Variants in NRXN3 observed in about 807,000 individuals in gnomAD.
The protein encoded by NRXN3 is neurexin III.
In NRXN3, 32 loss-of-function variants were observed where a neutral mutation model predicts 137.6. The observed-to-expected ratio is 0.23, with a 90% CI of 0.18 to 0.31. NRXN3 has a LOEUF of 0.31. Ranked by LOEUF, NRXN3 falls within the 10% of genes least tolerant of loss-of-function variation. The pLI is 1.00. For missense variants in NRXN3, 1,574 were observed against 2,062.5 expected (o/e 0.76, Z 4.59); for synonymous variants, 798 against 784.5 (o/e 1.02, Z -0.29).
intron 1 of NRXN3, among the ~76,000 whole-genome samples, chr14:78,177,128 T>A (rs2059346643): frequency 6.6e-6 from 1 of 152,140 alleles, no homozygotes; most frequent in Admixed American, 6.5e-5. Flanking sequence ...GCAGCTGGTA[T>A]CTGGATGCTG....
chr14:79,504,292 A>T (rs542394010), intron 16 of NRXN3, among the ~76,000 whole-genome samples: 40 of 152,130 alleles, frequency 2.6e-4, no homozygotes, highest in Non-Finnish European at 5.6e-4. Flanking sequence ...TCTCTGACAG[A>T]TTGTTATTCC....
intron 16 of NRXN3, among the ~76,000 whole-genome samples, chr14:79,544,054 A>G (rs536276768): frequency 2.6e-5 from 4 of 152,320 alleles, no homozygotes; most frequent in East Asian, 1.9e-4. Flanking sequence ...CTCATCCCCA[A>G]CAGTGAAAAT....
rs2096407437 is a variant in NRXN3 at position 79,465,358 on chromosome 14, T to C, written c.3263-1863T>C. On this transcript the variant is annotated intron_variant, in intron 15 of 20. Coordinates refer to ENST00000335750, the MANE Select transcript of NRXN3 (RefSeq NM_001330195.2). ...ATACCACAATTCCAAATCCTCCAGA[T>C]GAGTGTAGAGGGCTTTCGAGACACC... Among the ~76,000 whole-genome samples the C allele has an allele frequency of 2.0e-5, 3 of 152,154 alleles. No homozygotes were observed. In the South Asian group the frequency reaches 6.2e-4, roughly 31 times the overall value.
intron 6 of NRXN3, among the ~76,000 whole-genome samples, chr14:78,697,681 C>T (rs917044069): frequency 8.6e-5 from 13 of 151,986 alleles, no homozygotes; most frequent in African/African-American, 3.1e-4. Flanking sequence ...CCTTTTGTTG[C>T]ATGACTACTT....
intron 4 of NRXN3, among the ~76,000 whole-genome samples, chr14:78,511,444 C>T (rs571409848): frequency 2.6e-5 from 4 of 152,236 alleles, no homozygotes; most frequent in Non-Finnish European, 5.9e-5. Flanking sequence ...TGTTAATCTC[C>T]CACTTCTATA....
chr14:78,313,007 G>GT (rs1341748259), intron 4 of NRXN3, among the ~76,000 whole-genome samples: 3 of 152,174 alleles, frequency 2.0e-5, no homozygotes, highest in African/African-American at 4.8e-5. Flanking sequence ...CTGCATCTCT[G>GT]TTTTTTATAG....
chr14:79,402,932 A>T (rs1409248399), intron 15 of NRXN3, among the ~76,000 whole-genome samples: 4 of 152,222 alleles, frequency 2.6e-5, no homozygotes, highest in Admixed American at 2.6e-4. Flanking sequence ...ATATTTAATA[A>T]AGCAGAAGTA....
chr14:79,780,010 G>T (rs545749619), intron 19 of NRXN3, among the ~76,000 whole-genome samples: 1 of 152,030 alleles, frequency 6.6e-6, no homozygotes, highest in Non-Finnish European at 1.5e-5. Flanking sequence ...GATTACATGT[G>T]TGAGCCACCA....
intron 16 of NRXN3, among the ~76,000 whole-genome samples, chr14:79,631,303 G>T (rs1027579928): frequency 1.6e-4 from 24 of 152,380 alleles, no homozygotes; most frequent in African/African-American, 5.5e-4. Flanking sequence ...GTGACAACGT[G>T]CTAGCAGCCC....
chr14:79,276,669 C>T (rs1341661867), intron 15 of NRXN3, among the ~76,000 whole-genome samples: 1 of 148,210 alleles, frequency 6.7e-6, no homozygotes, highest in Non-Finnish European at 1.5e-5. Context: ...CACACATCCT[C>T]AGAATGAAGT....
intron 15 of NRXN3, among the ~76,000 whole-genome samples, chr14:79,353,409 C>T (rs1300065397): frequency 1.3e-5 from 2 of 152,004 alleles, no homozygotes; most frequent in Admixed American, 1.3e-4. Context: ...TTCCTTTTCT[C>T]CCCCTTCATT....
At chr14:79,786,294 A>C (rs1470410804) in intron 19 of NRXN3, among the ~76,000 whole-genome samples, 1 of 152,222 alleles carries the variant, frequency 6.6e-6, no homozygotes. Flanking sequence ...TGGCTACAAA[A>C]GTTAATGAAA....
At chr14:78,522,935 A>C (rs1403278574) in intron 4 of NRXN3, among the ~76,000 whole-genome samples, 1 of 152,216 alleles carries the variant, frequency 6.6e-6, no homozygotes, top group Non-Finnish European at 1.5e-5. Context: ...GAATCCAGCC[A>C]CACTTGAACC....
At chr14:79,044,543 C>G (rs2099629980) in intron 15 of NRXN3, among the ~76,000 whole-genome samples, 1 of 152,148 alleles carries the variant, frequency 6.6e-6, no homozygotes, top group Non-Finnish European at 1.5e-5. Context: ...ATGGCTGGCC[C>G]ATGTTGAATG....
At chr14:79,419,205 C>T (rs915352178) in intron 15 of NRXN3, among the ~76,000 whole-genome samples, 1 of 152,146 alleles carries the variant, frequency 6.6e-6, no homozygotes, top group African/African-American at 2.4e-5. Context: ...TAAAAAGGGT[C>T]TTTGTATCTC....
At chr14:79,092,918 T>G (rs1412420870) in intron 15 of NRXN3, among the ~76,000 whole-genome samples, 1 of 152,304 alleles carries the variant, frequency 6.6e-6, no homozygotes, top group East Asian at 1.9e-4. Flanking sequence ...CTGAGGAGTC[T>G]AACCCTGAGT....
intron 4 of NRXN3, among the ~76,000 whole-genome samples, chr14:78,326,605 GTTTGTGCAGGGAAAGAGAAGTTAAC>G (rs1259828668): frequency 6.6e-6 from 1 of 152,224 alleles, no homozygotes; most frequent in Non-Finnish European, 1.5e-5. Flanking sequence ...GGGTGCACAT[GTTTGTGCAGGGAAAGAGAAGTTAAC>G]TAGGACATCC....
intron 1 of NRXN3, among the ~76,000 whole-genome samples, chr14:78,181,541 G>T (rs1365824648): frequency 6.6e-6 from 1 of 152,198 alleles, no homozygotes; most frequent in African/African-American, 2.4e-5. Flanking sequence ...GGTCCCTGCT[G>T]CCCACTGCAG....
chr14:79,104,335 G>C (rs529394663), intron 15 of NRXN3, among the ~76,000 whole-genome samples: 1 of 152,102 alleles, frequency 6.6e-6, no homozygotes, highest in Non-Finnish European at 1.5e-5. Flanking sequence ...ATTCATAGAC[G>C]AATGGATGAA....
Sources: allele counts gnomAD v4.1 joint callset (sites outside exome capture counted in the v4.1 genomes callset), GRCh38; gene constraint gnomAD v4.1.1; transcripts MANE v1.5; gene names NCBI Gene and HGNC (gene_info 2026-07-23, HGNC 2026-07-21).